Variants in ACACA observed in about 807,000 individuals in gnomAD.
ACACA encodes acetyl-CoA carboxylase 1.
In ACACA, 103 loss-of-function variants were observed where a neutral mutation model predicts 296.1. The ratio of observed to expected loss-of-function variants is 0.35; its 90% CI spans 0.30 to 0.41. The LOEUF (loss-of-function observed/expected upper bound fraction) is 0.41, where lower values mean the gene tolerates loss of function less well. Among genes scored for constraint, ACACA ranks in the 10% least tolerant of loss-of-function variants. The probability of loss-of-function intolerance (pLI) is 1.00; values close to 1 mark genes in which losing one functional copy is unlikely to be tolerated. For synonymous variants in ACACA, 953 were observed against 1,038.6 expected, an observed-to-expected ratio of 0.92 and a Z score of 1.58; for missense variants, 1,554 against 2,989.7, an observed-to-expected ratio of 0.52 and a Z score of 11.20.
chr17:37,339,343 G>A (rs1568019476), intron 2 of ACACA, among the ~76,000 whole-genome samples: 2 of 152,154 alleles, frequency 1.3e-5, no homozygotes, highest in Admixed American at 1.3e-4. Flanking sequence ...ACGGTTCCTG[G>A]GCTAATAAGT....
In ACACA at chr17:37,113,026, G is replaced by A; in HGVS notation, c.6452+62C>T. On this transcript the variant is annotated intron_variant, in intron 51 of 55. Coordinates refer to ENST00000616317, the MANE Select transcript of ACACA (RefSeq NM_198834.3). The surrounding 1 kb of genome is among the most constrained non-coding windows in gnomAD (Gnocchi z 4.0). ...GTGCCATGGCTGTAACATTCTCCAGGAGGAAACCAACAGCTACAGGGTCCC... is the reference window on the plus strand; with the variant it reads ...GTGCCATGGCTGTAACATTCTCCAGAAGGAAACCAACAGCTACAGGGTCCC... 2 of 1,598,640 alleles carry A rather than the reference G, an allele frequency of 1.3e-6. No individual in the cohort carries two copies. Among genetic ancestry groups the A allele is most frequent in the Non-Finnish European group, 8.6e-7 (1 of 1,168,474 alleles).
At chr17:37,115,666 T>C (rs1329197249) in intron 50 of ACACA, among the ~76,000 whole-genome samples, 2 of 152,210 alleles carry the variant, frequency 1.3e-5, no homozygotes, top group Non-Finnish European at 2.9e-5. Flanking sequence ...TGTATTTTCA[T>C]TCATCTATTA....
intron 42 of ACACA, among the ~76,000 whole-genome samples, chr17:37,157,531 CTTTTTTTTT>C (rs397687787): frequency 2.2e-5 from 2 of 90,486 alleles, no homozygotes; most frequent in Admixed American, 2.9e-4. Context: ...ATCATTCTAT[CTTTTTTTTT>C]TTTTTTTTTT....
chr17:37,206,689 C>T, intron 32 of ACACA, 94 bp downstream of exon 32: 1 of 1,060,578 alleles, frequency 9.4e-7, no homozygotes, highest in Non-Finnish European at 1.4e-6. Flanking sequence ...AGGATGAATT[C>T]TTTCCTATAA....
chr17:37,354,141 T>C (rs1004914064), intron 1 of ACACA, among the ~76,000 whole-genome samples: 2 of 152,182 alleles, frequency 1.3e-5, no homozygotes, highest in Admixed American at 6.5e-5. Flanking sequence ...AATTTTATTC[T>C]ATCTGAAATA....
chr17:37,172,468 T>C (rs1355347686), intron 41 of ACACA, among the ~76,000 whole-genome samples: 2 of 152,214 alleles, frequency 1.3e-5, no homozygotes, highest in Non-Finnish European at 2.9e-5. Flanking sequence ...TTTTCAAAAT[T>C]AGCCTCCATA....
intron 1 of ACACA, among the ~76,000 whole-genome samples, chr17:37,347,019 G>C (rs2147412792): frequency 6.6e-6 from 1 of 152,284 alleles, no homozygotes; most frequent in East Asian, 1.9e-4. Flanking sequence ...GATCTGGGAA[G>C]GGCCAGCGGC....
chr17:37,382,769 A>G (rs2050357036), intron 1 of ACACA, among the ~76,000 whole-genome samples: 1 of 152,326 alleles, frequency 6.6e-6, no homozygotes, highest in East Asian at 1.9e-4. Context: ...CTGAGACAGA[A>G]GAATAGCTTG....
chr17:37,338,514 G>T (rs549808641), intron 2 of ACACA, among the ~76,000 whole-genome samples: 1 of 150,322 alleles, frequency 6.7e-6, no homozygotes, highest in African/African-American at 2.5e-5. Context: ...AAAATTAGCC[G>T]AGCGTGGCGC....
In ACACA at chr17:37,206,771, G is replaced by A. The variant is rs749225704; in HGVS notation, c.3948+12C>T. 2 of 1,585,302 alleles carry A rather than the reference G, an allele frequency of 1.3e-6. No homozygotes were observed. The highest frequency in any genetic ancestry group is 1.7e-6 in the Non-Finnish European group (2 of 1,154,054). On this transcript the variant is annotated intron_variant, in intron 32 of 55. Coordinates refer to ENST00000616317, the MANE Select transcript of ACACA (RefSeq NM_198834.3). ...AGGGGAACAAAGCAGTCTCCCAAAA[G>A]GGACATTATACCTTATCCTCATCAT...
At chr17:37,286,836 C>T (rs1464256) in intron 3 of ACACA, among the ~76,000 whole-genome samples, 38,365 of 151,928 alleles carry the variant, frequency 0.25, 5,355 homozygotes, top group Admixed American at 0.36. Context: ...CTCCAGGAGA[C>T]CTCCACCAAG....
chr17:37,212,162 T>A (rs2078775796), intron 29 of ACACA, among the ~76,000 whole-genome samples: 1 of 152,192 alleles, frequency 6.6e-6, no homozygotes, highest in African/African-American at 2.4e-5. Context: ...CATCCAGGTT[T>A]CTAGAGTTTA....
chr17:37,245,015 G>A (rs2145987994), intron 20 of ACACA, 65 bp downstream of exon 20: 3 of 1,607,236 alleles, frequency 1.9e-6, no homozygotes, highest in Non-Finnish European at 2.6e-6. Context: ...GAAATCACTT[G>A]CCTCTCCAAA....
chr17:37,166,735 G>A (rs577392719), intron 41 of ACACA, among the ~76,000 whole-genome samples: 5 of 152,226 alleles, frequency 3.3e-5, no homozygotes, highest in South Asian at 2.1e-4. Context: ...ACCTTTTACA[G>A]TTTCACTTTT....
intron 11 of ACACA, among the ~76,000 whole-genome samples, chr17:37,260,657 T>G (rs1046376302): frequency 6.6e-6 from 1 of 152,126 alleles, no homozygotes; most frequent in Non-Finnish European, 1.5e-5. Flanking sequence ...GGCTTTTTCC[T>G]TCTTATTCAT....
At chr17:37,225,200 T>C in intron 26 of ACACA, 95 bp from the exon 27 acceptor site, 1 of 773,524 alleles carries the variant, frequency 1.3e-6, no homozygotes, top group Non-Finnish European at 2.3e-6. Flanking sequence ...TAAATATAAA[T>C]CTGTAAGTGC....
intron 1 of ACACA, among the ~76,000 whole-genome samples, chr17:37,402,692 A>G (rs2051331943): frequency 6.7e-6 from 1 of 150,348 alleles, no homozygotes; most frequent in Admixed American, 6.6e-5. Context: ...TTTTTTTTTG[A>G]GACAGAGTCT....
chr17:37,198,965 C>T (rs2078124058), intron 35 of ACACA, among the ~76,000 whole-genome samples: 1 of 152,220 alleles, frequency 6.6e-6, no homozygotes, highest in Non-Finnish European at 1.5e-5. Context: ...ACAGGCTGGG[C>T]ACAGTGGCTC....
intron 33 of ACACA, among the ~76,000 whole-genome samples, chr17:37,204,357 T>C (rs559668295): frequency 2.6e-5 from 4 of 152,326 alleles, no homozygotes; most frequent in South Asian, 2.1e-4. Context: ...CCCCTATACC[T>C]GGCATCAAAT....
Sources: allele counts gnomAD v4.1 joint callset (sites outside exome capture counted in the v4.1 genomes callset), GRCh38; gene constraint gnomAD v4.1.1; non-coding constraint Gnocchi (gnomAD v3.1); transcripts MANE v1.5; gene names NCBI Gene and HGNC (gene_info 2026-07-23, HGNC 2026-07-21).